RGS5: variants seen among roughly 807,000 people sequenced by gnomAD.
The protein encoded by RGS5 is regulator of G-protein signalling 5.
In RGS5, 20 loss-of-function variants were observed where a neutral mutation model predicts 18.9. The observed-to-expected ratio is 1.06, with a 90% CI of 0.74 to 1.54. RGS5 has a LOEUF of 1.54. Among genes scored for constraint, RGS5 ranks in the 40% most tolerant of loss-of-function variants. The pLI is 0.00. For missense variants in RGS5, 201 were observed against 211.8 expected (o/e 0.95, Z 0.32); for synonymous variants, 57 against 76.2 (o/e 0.75, Z 1.31).
At chr1:163,151,419 A>G (rs1445194355) in intron 4 of RGS5, among the ~76,000 whole-genome samples, 1 of 152,184 alleles carries the variant, frequency 6.6e-6, no homozygotes, top group Non-Finnish European at 1.5e-5. Flanking sequence ...AGTTATAGAA[A>G]TACTCATTAG....
chr1:163,250,277 T>G (rs1648071139), intron 2 of RGS5, among the ~76,000 whole-genome samples: 1 of 152,198 alleles, frequency 6.6e-6, no homozygotes, highest in African/African-American at 2.4e-5. Context: ...TCACTGCAAT[T>G]ATCATAAATG....
intron 1 of RGS5, among the ~76,000 whole-genome samples, chr1:163,184,435 T>G (rs1658985783): frequency 6.7e-6 from 1 of 148,238 alleles, no homozygotes; most frequent in Non-Finnish European, 1.5e-5. Flanking sequence ...CAATGTCTGT[T>G]AAATGAAAAA....
chr1:163,180,991 C>G (rs1292485845), intron 1 of RGS5, among the ~76,000 whole-genome samples: 1 of 151,906 alleles, frequency 6.6e-6, no homozygotes, highest in African/African-American at 2.4e-5. Context: ...ACCGCGCCCG[C>G]CCCCCTGTTC....
intron 2 of RGS5, among the ~76,000 whole-genome samples, chr1:163,299,092 C>T (rs1011549870): frequency 1.3e-5 from 2 of 152,034 alleles, no homozygotes; most frequent in Non-Finnish European, 2.9e-5. Flanking sequence ...GTAGGCACTG[C>T]AGAGATGAGA....
intron 2 of RGS5, among the ~76,000 whole-genome samples, chr1:163,230,279 A>G (rs770219668): frequency 3.3e-5 from 5 of 152,212 alleles, no homozygotes; most frequent in Non-Finnish European, 7.3e-5. Context: ...TCTTTACCTC[A>G]TAAGATTTTT....
intron 2 of RGS5, among the ~76,000 whole-genome samples, chr1:163,255,123 C>T (rs1439630542): frequency 3.3e-4 from 50 of 152,050 alleles, no homozygotes; most frequent in African/African-American, 1.1e-3. Flanking sequence ...ATTGACTTGG[C>T]GATGTGGGCT....
intron 2 of RGS5, among the ~76,000 whole-genome samples, chr1:163,285,587 A>AT (rs1649122553): frequency 6.6e-6 from 1 of 152,070 alleles, no homozygotes; most frequent in Non-Finnish European, 1.5e-5. Context: ...ATATATATAT[A>AT]AAAATATATA....
chr1:163,301,879 C>A (rs114264847), intron 2 of RGS5, among the ~76,000 whole-genome samples: 192 of 152,124 alleles, frequency 1.3e-3, no homozygotes, highest in African/African-American at 4.5e-3. Flanking sequence ...TCCCAGGGTT[C>A]CTGGTTTAAC....
Position 163,144,352 on chromosome 1 carries a change from G to A in RGS5, c.*2990C>T, listed in dbSNP as rs945159547. 3 of 152,108 alleles carry A rather than the reference G, an allele frequency of 2.0e-5. No individual in the cohort carries two copies. The highest frequency in any genetic ancestry group is 7.2e-5 in the African/African-American group (3 of 41,444). The allele number at this position is 152,108 out of a possible 1,614,324, so 9.4% of individuals were successfully genotyped here. A position where few individuals can be genotyped will look rare whatever the true frequency, so the allele number is the denominator to read the frequency against. ...TAATAGTCTGTCTCTTTGTCCTGAT[G>A]TAATTTAGATCTTAATCTAACCCCA... is the stretch of plus-strand genomic sequence containing the variant. On this transcript the variant is annotated 3_prime_UTR_variant, in exon 5 of 5. Coordinates refer to ENST00000313961, the MANE Select transcript of RGS5 (RefSeq NM_003617.4).
chr1:163,306,843 G>A (rs577507961), intron 1 of RGS5, among the ~76,000 whole-genome samples: 1 of 152,256 alleles, frequency 6.6e-6, no homozygotes, highest in East Asian at 1.9e-4. Context: ...CCAGAAGCCA[G>A]GGAGAGGCAT....
At chr1:163,213,059 A>G (rs563367729) in intron 1 of RGS5, 28 of 152,290 alleles carry the variant, frequency 1.8e-4, no homozygotes, top group African/African-American at 6.3e-4. Flanking sequence ...CTTTACTTGT[A>G]TCCTGTGGAT....
chr1:163,319,044 A>G (rs936305348), intron 1 of RGS5: 3 of 152,304 alleles, frequency 2.0e-5, no homozygotes, highest in East Asian at 1.9e-4. Flanking sequence ...TATTTCACCT[A>G]TTCCTACCAC....
chr1:163,160,914 A>G (rs1657772452), intron 3 of RGS5, among the ~76,000 whole-genome samples: 1 of 152,194 alleles, frequency 6.6e-6, no homozygotes, highest in Non-Finnish European at 1.5e-5. Flanking sequence ...GAAATTATCT[A>G]CATGAAAAAG....
At chr1:163,276,222 G>A (rs1036272306) in intron 2 of RGS5, among the ~76,000 whole-genome samples, 17 of 152,158 alleles carry the variant, frequency 1.1e-4, no homozygotes, top group Non-Finnish European at 1.6e-4. Flanking sequence ...TCGAACTCCC[G>A]ACCTCAGGTG....
intron 1 of RGS5, among the ~76,000 whole-genome samples, chr1:163,189,668 TGACCTGCAATTGCTTGGAGCAAAAGTTA>T (rs1416850886): frequency 1.3e-5 from 2 of 152,280 alleles, no homozygotes; most frequent in East Asian, 3.9e-4. Flanking sequence ...AGGAGAAATA[TGACCTGCAATTGCTTGGAGCAAAAGTTA>T]GACCACTCAA....
intron 2 of RGS5, among the ~76,000 whole-genome samples, chr1:163,292,623 A>G (rs942274464): frequency 1.3e-5 from 2 of 152,182 alleles, no homozygotes; most frequent in Non-Finnish European, 2.9e-5. Flanking sequence ...GAACTAATTT[A>G]CACTCCCAAG....
rs570445196 is a variant in RGS5, at chr1:163,253,562, G to A, written c.-281+52671C>T. 8.6e-5 allele frequency among the ~76,000 whole-genome samples: 13 copies of A among 151,276 alleles called. No homozygotes were observed. In the East Asian group the frequency reaches 1.7e-3, roughly 20 times the overall value. ...TGACCTCTGGCAATCCACCCACCTC[G>A]GCCTGCCAAAGTTCTGGGATTACAG... On this transcript the variant is annotated intron_variant, in intron 2 of 5. Coordinates refer to the RGS5 transcript ENST00000618415.
intron 1 of RGS5, among the ~76,000 whole-genome samples, chr1:163,175,410 G>A (rs1658503606): frequency 6.6e-6 from 1 of 152,182 alleles, no homozygotes; most frequent in Non-Finnish European, 1.5e-5. Context: ...AGTGGAGTTT[G>A]CTCCTTGTAG....
chr1:163,259,012 A>G (rs562084591), intron 2 of RGS5, among the ~76,000 whole-genome samples: 9 of 152,100 alleles, frequency 5.9e-5, no homozygotes, highest in Admixed American at 2.0e-4. Flanking sequence ...AATTACTAAC[A>G]TAATGCTAGG....
Sources: allele counts gnomAD v4.1 joint callset (sites outside exome capture counted in the v4.1 genomes callset), GRCh38; gene constraint gnomAD v4.1.1; transcripts MANE v1.5; gene names NCBI Gene and HGNC (gene_info 2026-07-23, HGNC 2026-07-21).